The following NAV3 variants were observed in gnomAD, a reference collection of about 807,000 sequenced individuals.
NAV3 encodes pore membrane and/or filament interacting like protein 1.
Under a neutral mutation model 244.7 loss-of-function variants are expected in NAV3, and 87 were observed. The ratio of observed to expected loss-of-function variants is 0.36; its 90% CI spans 0.30 to 0.42. The LOEUF (loss-of-function observed/expected upper bound fraction) is 0.42. Ranked by LOEUF, NAV3 falls within the 20% of genes least tolerant of loss-of-function variation. The pLI is 1.00. For missense variants in NAV3, 2,663 were observed against 2,893.3 expected (o/e 0.92, Z 1.83); for synonymous variants, 1,126 against 1,042.2 (o/e 1.08, Z -1.55).
intron 2 of NAV3, among the ~76,000 whole-genome samples, chr12:77,744,995 T>C (rs1194014493): frequency 6.6e-6 from 1 of 152,016 alleles, no homozygotes; most frequent in Non-Finnish European, 1.5e-5. Flanking sequence ...GTGAAATATT[T>C]GCATTTCAAA....
intron 1 of NAV3, among the ~76,000 whole-genome samples, chr12:77,936,184 T>C (rs1889310022): frequency 6.6e-6 from 1 of 152,212 alleles, no homozygotes. Flanking sequence ...TATTGCATAA[T>C]AGGCCCCAAA....
At chr12:77,817,883 G>T (rs1476439647) in intron 2 of NAV3, among the ~76,000 whole-genome samples, 1 of 152,058 alleles carries the variant, frequency 6.6e-6, no homozygotes, top group Non-Finnish European at 1.5e-5. Context: ...TCACCTGTCA[G>T]AAAATATTTT....
At chr12:77,830,586 A>G (rs1435230350), upstream of NAV3, among the ~76,000 whole-genome samples, 2 of 152,160 alleles carry the variant, frequency 1.3e-5, no homozygotes, top group African/African-American at 4.8e-5. Context: ...TCCTGTGTTT[A>G]CTCTATTTTC....
chr12:77,877,759 G>A (rs953781355), intron 1 of NAV3, among the ~76,000 whole-genome samples: 1 of 152,094 alleles, frequency 6.6e-6, no homozygotes, highest in Non-Finnish European at 1.5e-5. Flanking sequence ...GTCTTCCGAA[G>A]CGTGCAGTAT....
chr12:78,077,498 T>C (rs1953110517), intron 12 of NAV3, among the ~76,000 whole-genome samples: 1 of 152,222 alleles, frequency 6.6e-6, no homozygotes, highest in African/African-American at 2.4e-5. Flanking sequence ...AATTTGGGTT[T>C]TTTCCATGGC....
chr12:77,682,335 C>T (rs912472163), intron 2 of NAV3, among the ~76,000 whole-genome samples: 7 of 152,018 alleles, frequency 4.6e-5, no homozygotes, highest in Non-Finnish European at 1.0e-4. Flanking sequence ...ACAGAATTTC[C>T]TTCTTTTCAA....
At chr12:77,893,363 C>G (rs963351306) in intron 1 of NAV3, among the ~76,000 whole-genome samples, 16 of 152,072 alleles carry the variant, frequency 1.1e-4, no homozygotes, top group Admixed American at 9.8e-4. Flanking sequence ...GCTATGCTGA[C>G]TAATATGAAG....
chr12:78,154,190 T>C (rs1957186493), intron 22 of NAV3, among the ~76,000 whole-genome samples: 2 of 144,612 alleles, frequency 1.4e-5, no homozygotes, highest in Admixed American at 7.2e-5. Context: ...TATAAAATAC[T>C]ATATTATATA....
At chr12:78,140,365 G>T (rs762479947) in intron 20 of NAV3, 31 bp downstream of exon 20, 3 of 1,572,958 alleles carry the variant, frequency 1.9e-6, no homozygotes, top group Non-Finnish European at 2.6e-6. Context: ...AAAAGCTTGT[G>T]CTTTTGCCAT....
chr12:77,964,890 T>C (rs751089539), intron 3 of NAV3, among the ~76,000 whole-genome samples: 17 of 152,160 alleles, frequency 1.1e-4, no homozygotes, highest in Non-Finnish European at 2.4e-4. Flanking sequence ...AATTTTTGTA[T>C]AAAATTACTA....
intron 5 of NAV3, among the ~76,000 whole-genome samples, chr12:77,979,105 T>C (rs1389367934): frequency 6.6e-6 from 1 of 151,512 alleles, no homozygotes; most frequent in African/African-American, 2.4e-5. Context: ...CTGGGCATGA[T>C]AGCTCATGCC....
At chr12:78,001,813 T>C (rs929195820) in intron 7 of NAV3, among the ~76,000 whole-genome samples, 1 of 152,220 alleles carries the variant, frequency 6.6e-6, no homozygotes, top group Non-Finnish European at 1.5e-5. Flanking sequence ...CGCGGAAACA[T>C]ATTTCTCAGA....
chr12:78,168,558 A>C (rs1036695183), intron 23 of NAV3, among the ~76,000 whole-genome samples, 197 bp from the exon 24 acceptor site: 1 of 151,876 alleles, frequency 6.6e-6, no homozygotes, highest in Non-Finnish European at 1.5e-5. Context: ...ACAAACAAAC[A>C]AACAAACAAA....
At chr12:77,718,261 A>G (rs1308479723) in intron 2 of NAV3, among the ~76,000 whole-genome samples, 8 of 152,180 alleles carry the variant, frequency 5.3e-5, no homozygotes, top group African/African-American at 1.7e-4. Context: ...ACTGTGTACA[A>G]TAAGGCTCAA....
intron 1 of NAV3, among the ~76,000 whole-genome samples, chr12:77,834,045 A>T (rs963080798): frequency 6.6e-6 from 1 of 152,024 alleles, no homozygotes; most frequent in Non-Finnish European, 1.5e-5. Flanking sequence ...CTCGATGTCC[A>T]GCCATTTTTG....
intron 2 of NAV3, among the ~76,000 whole-genome samples, chr12:77,721,488 T>C (rs912634027): frequency 1.3e-5 from 2 of 152,178 alleles, no homozygotes; most frequent in Non-Finnish European, 2.9e-5. Flanking sequence ...CCATTTAAGA[T>C]ATGCTGAGAA....
chr12:78,140,142 C>T (rs1956544380), intron 19 of NAV3, 140 bp from the exon 20 acceptor site: 1 of 675,076 alleles, frequency 1.5e-6, no homozygotes, highest in Non-Finnish European at 2.5e-6. Context: ...AAAATTATAG[C>T]AGGCTGGTTC....
intron 2 of NAV3, among the ~76,000 whole-genome samples, chr12:77,644,624 G>A (rs954526486): frequency 7.2e-5 from 11 of 151,984 alleles, no homozygotes; most frequent in African/African-American, 2.2e-4. Context: ...TTTTAACTGG[G>A]CAAATAACAA....
intron 3 of NAV3, among the ~76,000 whole-genome samples, chr12:77,949,064 GAC>G (rs1278681894): frequency 6.6e-6 from 1 of 151,910 alleles, no homozygotes; most frequent in Non-Finnish European, 1.5e-5. Context: ...TGTGTGGATA[GAC>G]ACAGAAAATA....
Sources: gnomAD v4.1 joint callset for allele counts (sites outside exome capture counted in the v4.1 genomes callset) on GRCh38, gnomAD v4.1.1 for gene constraint, MANE v1.5 for transcripts, NCBI Gene and HGNC (gene_info 2026-07-23, HGNC 2026-07-21) for gene names.